WFDC13: variants seen among roughly 807,000 people sequenced by gnomAD.
WFDC13 encodes WAP four-disulfide core domain 13, also known as WAP four-disulfide core domain protein 13.
A neutral mutation model predicts 10.9 loss-of-function variants in WFDC13; 6 were observed. The ratio of observed to expected loss-of-function variants is 0.55; its 90% CI spans 0.30 to 1.09. WFDC13 has a LOEUF of 1.09. Among genes scored for constraint, WFDC13 ranks in the 50% least tolerant of loss-of-function variants. The probability of loss-of-function intolerance (pLI) is 0.06; values close to 1 mark genes in which losing one functional copy is unlikely to be tolerated. For synonymous variants in WFDC13, 38 were observed against 39.5 expected, an observed-to-expected ratio of 0.96 and a Z score of 0.14; for missense variants, 104 against 109.6, an observed-to-expected ratio of 0.95 and a Z score of 0.23.
Position 45,708,809 on chromosome 20 carries a change from C to T in WFDC13, c.*974C>T, listed in dbSNP as rs888855002. 1.8e-4 allele frequency: 27 copies of T among 152,032 alleles called. No homozygotes were observed. The highest frequency in any genetic ancestry group is 6.0e-4 in the African/African-American group (25 of 41,378). The allele number at this position is 152,032 out of a possible 1,614,324, so 9.4% of individuals were successfully genotyped here. A position where few individuals can be genotyped will look rare whatever the true frequency, so the allele number is the denominator to read the frequency against. ...TTCATTTCAAATAAATATTCACTTA[C>T]GTGTCTAATTTTGTATTAGTAGTTC... is the stretch of plus-strand genomic sequence containing the variant. On this transcript the variant is annotated 3_prime_UTR_variant, in exon 4 of 4. Coordinates refer to ENST00000305479, the MANE Select transcript of WFDC13 (RefSeq NM_172005.2).
intron 1 of WFDC13, among the ~76,000 whole-genome samples, chr20:45,702,840 C>CAGGTT (rs1984222853): frequency 1.3e-5 from 2 of 152,320 alleles, no homozygotes; most frequent in Admixed American, 1.3e-4. Flanking sequence ...TAACCAATAC[C>CAGGTT]AAGTGGGAAA....
intron 1 of WFDC13, among the ~76,000 whole-genome samples, chr20:45,702,607 C>T (rs1356779778): frequency 1.3e-5 from 2 of 152,132 alleles, no homozygotes; most frequent in Non-Finnish European, 2.9e-5. Context: ...AGAGAGACAA[C>T]GAAGTTGGTA....
chr20:45,704,848 AC>A (rs1046336493), intron 2 of WFDC13: 3 of 1,514,584 alleles, frequency 2.0e-6, no homozygotes, highest in Admixed American at 1.7e-5. Flanking sequence ...CTCTGAACAC[AC>A]CCACAAATGC....
Position 45,705,866 on chromosome 20 carries a change from C to G in WFDC13, c.243C>G (p.Ile81Met), listed in dbSNP as rs780807915. ...SSETFQKRNR[I>M]KHKGSEVIMP... The stretch of plus-strand genomic sequence containing the variant: ...TGAAAATATTTTTCTTCTACAGAAT[C>G]AAACACAAGGGCTCAGAAGTCATCA... Residue 81 changes from isoleucine to methionine, a missense_variant, in exon 3 of 4, where the codon ATC becomes ATG. By Grantham distance (10) the Ile-to-Met change is conservative. Coordinates refer to ENST00000305479, the MANE Select transcript of WFDC13 (RefSeq NM_172005.2). 6.2e-7 allele frequency: 1 copy of G among 1,613,714 alleles called. No individual in the cohort carries two copies. The highest frequency in any genetic ancestry group is 1.1e-5 in the South Asian group (1 of 91,032).
In WFDC13 at chr20:45,705,855, T is replaced by C; in HGVS notation, c.240-8T>C. The C allele has an allele frequency of 1.2e-6, 2 of 1,612,944 alleles. No individual in the cohort carries two copies. Among genetic ancestry groups the C allele is most frequent in the Non-Finnish European group, 1.7e-6 (2 of 1,179,632 alleles). On this transcript the variant is annotated splice_region_variant and splice_polypyrimidine_tract_variant and intron_variant, in intron 2 of 3. Transcript: ENST00000305479. ...TAGTTAATATTTGAAAATATTTTTC[T>C]TCTACAGAATCAAACACAAGGGCTC...
At chr20:45,704,877 C>T in intron 2 of WFDC13, 1 of 1,598,952 alleles carries the variant, frequency 6.3e-7, no homozygotes, top group Non-Finnish European at 8.6e-7. Flanking sequence ...CACAGACCTT[C>T]CCCCGACCCA....
intron 1 of WFDC13, among the ~76,000 whole-genome samples, chr20:45,703,932 A>G (rs541375268): frequency 6.6e-6 from 1 of 152,258 alleles, no homozygotes; most frequent in South Asian, 2.1e-4. Flanking sequence ...CTGATCCAGT[A>G]CCTTCAGTTT....
intron 3 of WFDC13, 50 bp downstream of exon 3, chr20:45,705,977 T>G (rs780346595): frequency 1.2e-5 from 18 of 1,516,544 alleles, no homozygotes; most frequent in Non-Finnish European, 1.6e-5. Flanking sequence ...TTCCCAGGGA[T>G]GCTCACTTTC....
At position 45,702,226 on chromosome 20, in the gene WFDC13, T is replaced by C; in HGVS notation, c.88+15T>C. The C allele has an allele frequency of 6.2e-7, 1 of 1,607,738 alleles. No individual in the cohort carries two copies. Among genetic ancestry groups the C allele is most frequent in the Non-Finnish European group, 8.5e-7 (1 of 1,177,054 alleles). ...GCGTGTTCTGAGTAGGTGCTGGATC[T>C]GGGCCCAAGGAGGGAAGTAACATGT... On this transcript the variant is annotated intron_variant, in intron 1 of 3. Coordinates refer to ENST00000305479, the MANE Select transcript of WFDC13 (RefSeq NM_172005.2).
At chr20:45,704,635 T>G in intron 2 of WFDC13, 41 bp downstream of exon 2, 1 of 1,606,398 alleles carries the variant, frequency 6.2e-7, no homozygotes, top group Non-Finnish European at 8.5e-7. Flanking sequence ...CTAGAGCTGC[T>G]GGTGGGAGCC....
intron 3 of WFDC13, among the ~76,000 whole-genome samples, 156 bp downstream of exon 3, chr20:45,706,083 C>T (rs1395967783): frequency 6.6e-6 from 1 of 152,190 alleles, no homozygotes; most frequent in Non-Finnish European, 1.5e-5. Context: ...CCTCCAAGGG[C>T]TATCTTTGCA....
Position 45,704,917 on chromosome 20 carries a change from C to A in WFDC13, c.239+323C>A, listed in dbSNP as rs73908189. The A allele has an allele frequency of 2.9e-3, 4,711 of 1,613,958 alleles. 137 individuals are homozygous for A. The African/African-American group carries it at 0.057, about 19-fold the overall frequency. ...CCACCCTTATCCCAGGGACACTGTACCTGCAGGTGTAACCAAAATCCCAAA... is the reference window on the plus strand; with the variant it reads ...CCACCCTTATCCCAGGGACACTGTAACTGCAGGTGTAACCAAAATCCCAAA... On this transcript the variant is annotated intron_variant, in intron 2 of 3. Transcript: ENST00000305479.
chr20:45,702,058 C>A lies in WFDC13; in HGVS notation c.-66C>A, dbSNP rs1004182552. ...TTGCCCTCTTTCCTTCTCTTCTCCT[C>A]ACAGCAGTGCCTGGTCAAACCCAGC... is the stretch of plus-strand genomic sequence containing the variant. On this transcript the variant is annotated 5_prime_UTR_variant, in exon 1 of 4. Coordinates refer to ENST00000305479, the MANE Select transcript of WFDC13 (RefSeq NM_172005.2). 6.7e-7 allele frequency: 1 copy of A among 1,485,980 alleles called. No individual in the cohort carries two copies. The highest frequency in any genetic ancestry group is 9.2e-7 in the Non-Finnish European group (1 of 1,083,058). The allele number at this position is 1,485,980 out of a possible 1,614,324, so 92.0% of individuals were successfully genotyped here.
intron 3 of WFDC13, among the ~76,000 whole-genome samples, chr20:45,706,451 T>C (rs905996201): frequency 1.3e-5 from 2 of 152,120 alleles, no homozygotes; most frequent in Non-Finnish European, 2.9e-5. Flanking sequence ...ACAAGGTCAC[T>C]CATTCAGGTT....
intron 1 of WFDC13, 144 bp from the exon 2 acceptor site, chr20:45,704,300 G>C: frequency 2.8e-6 from 3 of 1,080,212 alleles, no homozygotes; most frequent in Non-Finnish European, 3.9e-6. Flanking sequence ...CAGCAGCTGA[G>C]GACAAAACCT....
At chr20:45,704,884 C>A (rs540485841) in intron 2 of WFDC13, 53 of 1,607,766 alleles carry the variant, frequency 3.3e-5, no homozygotes, top group Non-Finnish European at 4.3e-5. Flanking sequence ...CTTCCCCCGA[C>A]CCAGAATCCA....
At chr20:45,705,266 T>C (rs1289884409) in intron 2 of WFDC13, 6 of 452,244 alleles carry the variant, frequency 1.3e-5, no homozygotes, top group African/African-American at 2.0e-5. Flanking sequence ...GCAAGGCCCA[T>C]ATGAAATTTC....
In WFDC13 at chr20:45,708,563, G is replaced by A. The variant is rs547963330; in HGVS notation, c.*728G>A. The A allele has an allele frequency of 2.0e-5, 3 of 152,220 alleles. No homozygotes were observed. The highest frequency in any genetic ancestry group is 7.2e-5 in the African/African-American group (3 of 41,510). 9.4% of individuals were successfully genotyped at this position (152,220 alleles called of 1,614,324 possible). A position where few individuals can be genotyped will look rare whatever the true frequency, so the allele number is the denominator to read the frequency against. On this transcript the variant is annotated 3_prime_UTR_variant, in exon 4 of 4. Coordinates refer to ENST00000305479, the MANE Select transcript of WFDC13 (RefSeq NM_172005.2). ...TAACTTTAAATTTTTGATCAACCATGCTAGAGCAAAGATTGAATTATCCTT... is the reference window on the plus strand; with the variant it reads ...TAACTTTAAATTTTTGATCAACCATACTAGAGCAAAGATTGAATTATCCTT...
chr20:45,704,718 GC>G (rs1984319920), intron 2 of WFDC13, 124 bp downstream of exon 2: 2 of 1,416,472 alleles, frequency 1.4e-6, no homozygotes. Flanking sequence ...TGGCCATGTT[GC>G]CAACATGCCC....
Sources: allele counts gnomAD v4.1 joint callset (sites outside exome capture counted in the v4.1 genomes callset), GRCh38; gene constraint gnomAD v4.1.1; transcripts MANE v1.5; gene names NCBI Gene and HGNC (gene_info 2026-07-23, HGNC 2026-07-21).